The following CPED1 variants were observed in gnomAD, a reference collection of about 807,000 sequenced individuals.
The protein encoded by CPED1 is cadherin-like and PC-esterase domain-containing protein 1.
CPED1 carries 114 observed loss-of-function variants against 128.2 expected under a neutral mutation model. The observed-to-expected ratio is 0.89, with a 90% confidence interval of 0.76 to 1.04. The LOEUF is 1.04. Among genes scored for constraint, CPED1 ranks in the 50% least tolerant of loss-of-function variants. CPED1 has a pLI of 0.00. For synonymous variants in CPED1, 462 were observed against 426.7 expected, an observed-to-expected ratio of 1.08 and a Z score of -1.02; for missense variants, 1,211 against 1,207.1, an observed-to-expected ratio of 1.00 and a Z score of -0.05.
At chr7:121,217,719 A>C (rs1339032850) in intron 16 of CPED1, among the ~76,000 whole-genome samples, 1 of 152,050 alleles carries the variant, frequency 6.6e-6, no homozygotes, top group Non-Finnish European at 1.5e-5. Flanking sequence ...TGTTCTTCTT[A>C]GTGCACTGGC....
intron 2 of CPED1, among the ~76,000 whole-genome samples, chr7:120,996,049 C>A (rs41695): frequency 0.22 from 33,324 of 151,546 alleles, 3,925 homozygotes; most frequent in African/African-American, 0.26. Context: ...GAGGCTGAAG[C>A]AGGAGGATCA....
intron 14 of CPED1, among the ~76,000 whole-genome samples, chr7:121,138,160 A>G (rs1207170254): frequency 6.6e-6 from 1 of 152,102 alleles, no homozygotes; most frequent in East Asian, 1.9e-4. Context: ...TATCTTTAAG[A>G]GTCTAGGCTC....
intron 7 of CPED1, among the ~76,000 whole-genome samples, chr7:121,112,281 TAATTA>T (rs762728012): frequency 6.6e-6 from 1 of 152,204 alleles, no homozygotes; most frequent in Non-Finnish European, 1.5e-5. Flanking sequence ...TTGGCAGGTG[TAATTA>T]AATTAAAGAT....
intron 3 of CPED1, among the ~76,000 whole-genome samples, chr7:121,038,807 C>T (rs952601444): frequency 1.1e-4 from 16 of 151,822 alleles, no homozygotes; most frequent in Non-Finnish European, 2.1e-4. Flanking sequence ...TTTTGATGTC[C>T]CTCAGTGGGA....
intron 18 of CPED1, among the ~76,000 whole-genome samples, chr7:121,248,361 CAG>C (rs1798587279): frequency 6.6e-6 from 1 of 152,116 alleles, no homozygotes; most frequent in African/African-American, 2.4e-5. Context: ...AATGCAGACA[CAG>C]TACCAGTGAT....
intron 16 of CPED1, among the ~76,000 whole-genome samples, chr7:121,162,601 TAA>T (rs1796436794): frequency 6.6e-6 from 1 of 152,192 alleles, no homozygotes; most frequent in South Asian, 2.1e-4. Flanking sequence ...TTTTTTAAAA[TAA>T]AGAGGATTTA....
At chr7:121,023,591 CT>C (rs1792496509) in intron 3 of CPED1, among the ~76,000 whole-genome samples, 1 of 152,106 alleles carries the variant, frequency 6.6e-6, no homozygotes, top group Non-Finnish European at 1.5e-5. Context: ...GATTCATTTT[CT>C]TTAGTCTTTG....
chr7:121,200,554 G>A (rs1312844793), intron 16 of CPED1, among the ~76,000 whole-genome samples: 5 of 152,028 alleles, frequency 3.3e-5, no homozygotes, highest in African/African-American at 1.2e-4. Flanking sequence ...GAATGTGGGT[G>A]TACCTTCAGT....
At chr7:121,281,505 A>G (rs1303142073) in intron 22 of CPED1, among the ~76,000 whole-genome samples, 1 of 152,138 alleles carries the variant, frequency 6.6e-6, no homozygotes, top group Non-Finnish European at 1.5e-5. Flanking sequence ...TTAATGGTGT[A>G]GAGATGTGGA....
At chr7:121,202,292 G>T (rs564377326) in intron 16 of CPED1, among the ~76,000 whole-genome samples, 13 of 152,190 alleles carry the variant, frequency 8.5e-5, no homozygotes, top group Middle Eastern at 3.4e-3. Context: ...TGGAATTAGC[G>T]CTGTCTTCAT....
chr7:121,250,404 T>G (rs1171714377), intron 18 of CPED1, among the ~76,000 whole-genome samples: 1 of 151,128 alleles, frequency 6.6e-6, no homozygotes, highest in Non-Finnish European at 1.5e-5. Context: ...ACATCACAAT[T>G]AAAAGAACTA....
intron 16 of CPED1, among the ~76,000 whole-genome samples, chr7:121,220,486 C>T (rs1052826324): frequency 1.3e-5 from 2 of 151,992 alleles, no homozygotes; most frequent in African/African-American, 4.8e-5. Context: ...TCAAACCTGC[C>T]AATGCCTCCG....
At chr7:121,121,901 T>C (rs1795398506) in intron 7 of CPED1, among the ~76,000 whole-genome samples, 1 of 152,188 alleles carries the variant, frequency 6.6e-6, no homozygotes, top group Non-Finnish European at 1.5e-5. Context: ...GGAAATACAA[T>C]TAGAGTAACA....
At chr7:121,265,983 C>T (rs1687943922) in intron 18 of CPED1, among the ~76,000 whole-genome samples, 2 of 151,842 alleles carry the variant, frequency 1.3e-5, no homozygotes, top group African/African-American at 4.8e-5. Context: ...TTGAAGATAA[C>T]CTGAAACAAG....
At chr7:121,119,611 G>A (rs1368580881) in intron 7 of CPED1, among the ~76,000 whole-genome samples, 3 of 151,114 alleles carry the variant, frequency 2.0e-5, no homozygotes, top group Non-Finnish European at 3.0e-5. Context: ...GGATCACGAG[G>A]TCAGGAGATC....
At chr7:121,012,635 A>G (rs773201288) in intron 2 of CPED1, among the ~76,000 whole-genome samples, 9 of 152,234 alleles carry the variant, frequency 5.9e-5, no homozygotes, top group Non-Finnish European at 1.3e-4. Flanking sequence ...CAGACCGGCT[A>G]AAACTGTTCT....
At chr7:121,246,983 A>G (rs1387776663) in intron 18 of CPED1, among the ~76,000 whole-genome samples, 2 of 152,228 alleles carry the variant, frequency 1.3e-5, no homozygotes, top group African/African-American at 4.8e-5. Flanking sequence ...AGACTGATGT[A>G]TTTATCAAGA....
chr7:121,223,392 C>T (rs1480080005), intron 16 of CPED1, among the ~76,000 whole-genome samples: 1 of 152,148 alleles, frequency 6.6e-6, no homozygotes, highest in African/African-American at 2.4e-5. Flanking sequence ...CATTGATGTT[C>T]ATCATGGATA....
chr7:121,284,334 G>A (rs574406427), intron 22 of CPED1, among the ~76,000 whole-genome samples: 4 of 152,196 alleles, frequency 2.6e-5, no homozygotes, highest in Admixed American at 2.6e-4. Flanking sequence ...GATTTGGGTG[G>A]GGACACAGCC....
Sources: gnomAD v4.1 joint callset for allele counts (sites outside exome capture counted in the v4.1 genomes callset) on GRCh38, gnomAD v4.1.1 for gene constraint, MANE v1.5 for transcripts, NCBI Gene and HGNC (gene_info 2026-07-23, HGNC 2026-07-21) for gene names.